DCUN1D4: variants seen among roughly 807,000 people sequenced by gnomAD.
DCUN1D4 encodes the protein defective in cullin neddylation 1 domain containing 4.
In DCUN1D4, 22 loss-of-function variants were observed where a neutral mutation model predicts 47.9. That is an observed-to-expected ratio of 0.46 (90% CI 0.33 to 0.66). The LOEUF (loss-of-function observed/expected upper bound fraction) is 0.66, where lower values mean the gene tolerates loss of function less well. Among genes scored for constraint, DCUN1D4 ranks in the 30% least tolerant of loss-of-function variants. The pLI is 0.02. For missense variants in DCUN1D4, 301 were observed against 340.8 expected (o/e 0.88, Z 0.92); for synonymous variants, 121 against 112.2 (o/e 1.08, Z -0.50).
At chr4:51,864,647 A>T (rs916591088) in intron 3 of DCUN1D4, among the ~76,000 whole-genome samples, 1 of 152,174 alleles carries the variant, frequency 6.6e-6, no homozygotes, top group Non-Finnish European at 1.5e-5. Context: ...AACATGGCAG[A>T]AGGGGCAGGC....
At chr4:51,853,288 A>G (rs1488957453) in intron 1 of DCUN1D4, among the ~76,000 whole-genome samples, 1 of 152,210 alleles carries the variant, frequency 6.6e-6, no homozygotes, top group African/African-American at 2.4e-5. Flanking sequence ...TTCAGTGAAA[A>G]TGCTGAGTCA....
intron 1 of DCUN1D4, 75 bp from the exon 2 acceptor site, chr4:51,863,362 T>A: frequency 8.3e-7 from 1 of 1,207,320 alleles, no homozygotes; most frequent in East Asian, 2.3e-5. Context: ...TCAAAACATT[T>A]GTTTATTTTC....
chr4:51,834,483 T>C, the DCUN1D4 span, among the ~76,000 whole-genome samples: 7 of 152,110 alleles, frequency 4.6e-5, no homozygotes, highest in Non-Finnish European at 1.0e-4. Flanking sequence ...ACTGGCCCTA[T>C]ACCCTTCCCT....
rs555869300 is a variant in DCUN1D4, at chr4:51,895,893, A to G, written c.507-3377A>G. Among the ~76,000 whole-genome samples the G allele has an allele frequency of 5.9e-5, 9 of 152,208 alleles. No homozygotes were observed. The South Asian group carries it at 1.7e-3, about 28-fold the overall frequency. ...ACACAGAAACATGTGGGAAGACTTG[A>G]GTTGAAGATGTGACTGCTTTCTGAG... is the stretch of plus-strand genomic sequence containing the variant. On this transcript the variant is annotated intron_variant, in intron 7 of 10. Transcript: ENST00000334635.
rs569152637 is a variant in DCUN1D4, at chr4:51,872,839, G to A, written c.137-1432G>A. 3.9e-5 allele frequency among the ~76,000 whole-genome samples: 6 copies of A among 152,334 alleles called. No homozygotes were observed. In the East Asian group the frequency reaches 9.7e-4, roughly 25 times the overall value. On this transcript the variant is annotated intron_variant, in intron 3 of 10. Transcript: ENST00000334635. ...GATACATGCTGGTGAATAGTGTCCT[G>A]AGAGTTCAGTGAATGCTGAAGGCCG...
intron 5 of DCUN1D4, 84 bp from the exon 6 acceptor site, chr4:51,886,484 C>T: frequency 2.5e-6 from 3 of 1,187,438 alleles, no homozygotes; most frequent in Non-Finnish European, 2.3e-6. Flanking sequence ...TTAAGTCTTA[C>T]TTGTTGACAG....
At chr4:51,886,891 T>C (rs2110043170) in intron 6 of DCUN1D4, 3 of 459,770 alleles carry the variant, frequency 6.5e-6, no homozygotes, top group South Asian at 6.4e-5. Context: ...AGCCAGATGC[T>C]TACAAAATGG....
chr4:51,863,515 A>G lies in DCUN1D4; in HGVS notation c.96+8A>G, dbSNP rs1725404174. 1 of 1,608,272 alleles carries G rather than the reference A, an allele frequency of 6.2e-7. No homozygotes were observed. The highest frequency in any genetic ancestry group is 1.1e-5 in the South Asian group (1 of 90,342). ...CACACCCTTAATAAGCTGGTAAGTC[A>G]TTCTTTTAAAGACAAAATTACCAAC... On this transcript the variant is annotated splice_region_variant and intron_variant, in intron 2 of 10. Transcript: ENST00000334635.
chr4:51,874,974 G>GT (rs1727447955), intron 4 of DCUN1D4: 2 of 152,174 alleles, frequency 1.3e-5, no homozygotes, highest in Non-Finnish European at 2.9e-5. Flanking sequence ...TTAGTAAGTA[G>GT]TTTTTTCTTC....
chr4:51,891,097 A>G (rs1730354502), intron 6 of DCUN1D4, among the ~76,000 whole-genome samples: 1 of 152,252 alleles, frequency 6.6e-6, no homozygotes, highest in African/African-American at 2.4e-5. Flanking sequence ...GTATATAGTG[A>G]ATTCACAAAC....
chr4:51,906,506 C>T (rs1037048604), intron 8 of DCUN1D4, among the ~76,000 whole-genome samples: 3 of 152,100 alleles, frequency 2.0e-5, no homozygotes, highest in Admixed American at 1.3e-4. Flanking sequence ...TTGATGTATT[C>T]GTCCAGTTTC....
At chr4:51,843,766 G>T (rs1577799060) in intron 1 of DCUN1D4, 1 of 996,312 alleles carries the variant, frequency 1.0e-6, no homozygotes, top group Non-Finnish European at 1.2e-6. Flanking sequence ...GGGCGCGGGG[G>T]CGGGGACAAT....
At chr4:51,900,804 A>G (rs1226751184) in intron 8 of DCUN1D4, among the ~76,000 whole-genome samples, 2 of 151,784 alleles carry the variant, frequency 1.3e-5, no homozygotes, top group Non-Finnish European at 2.9e-5. Context: ...GCTGTTTCTT[A>G]TAGTATGGGT....
chr4:51,834,681 T>C, the DCUN1D4 span, among the ~76,000 whole-genome samples: 5 of 151,628 alleles, frequency 3.3e-5, no homozygotes, highest in South Asian at 2.1e-4. Flanking sequence ...GTCCCGAAAA[T>C]GGGAGCAGTC....
At chr4:51,906,879 T>C (rs78581896) in intron 8 of DCUN1D4, among the ~76,000 whole-genome samples, 2 of 152,320 alleles carry the variant, frequency 1.3e-5, no homozygotes, top group Non-Finnish European at 2.9e-5. Context: ...TAGAATCAGC[T>C]TCCTAGCTCA....
chr4:51,836,042 G>A, the DCUN1D4 span, among the ~76,000 whole-genome samples: 1 of 152,148 alleles, frequency 6.6e-6, no homozygotes, highest in Admixed American at 6.5e-5. Flanking sequence ...TCATTTGAGT[G>A]CAGGCTCAGA....
rs1199109680 is a variant in DCUN1D4, at chr4:51,854,651, C to T, written c.26-8786C>T. Among the ~76,000 whole-genome samples the T allele has an allele frequency of 4.6e-5, 7 of 152,204 alleles. No homozygotes were observed. The South Asian group carries it at 1.4e-3, about 31-fold the overall frequency. On this transcript the variant is annotated intron_variant, in intron 1 of 10. Transcript: ENST00000334635. ...GTATTTCTTCATCACTCATACAATCCTCAGCCCACTTTGTTCTGGTCTCAG... is the reference window on the plus strand; with the variant it reads ...GTATTTCTTCATCACTCATACAATCTTCAGCCCACTTTGTTCTGGTCTCAG...
rs950766174 is a variant in DCUN1D4, at chr4:51,914,265, T to C, written c.*681T>C. 1.3e-5 allele frequency: 2 copies of C among 152,228 alleles called. No homozygotes were observed. The highest frequency in any genetic ancestry group is 2.9e-5 in the Non-Finnish European group (2 of 68,028). The allele number at this position is 152,228 out of a possible 1,614,324, so 9.4% of individuals were successfully genotyped here. The stretch of plus-strand genomic sequence containing the variant: ...AGTGTTAAAACTATAATAGCTTGAA[T>C]ATAGGTACCAATGAACAAATTCAAA... On this transcript the variant is annotated 3_prime_UTR_variant, in exon 11 of 11. Transcript: ENST00000334635.
the DCUN1D4 span, among the ~76,000 whole-genome samples, chr4:51,837,405 C>T: frequency 2.6e-5 from 4 of 152,268 alleles, no homozygotes; most frequent in East Asian, 7.7e-4. Flanking sequence ...CGGTGGCTCA[C>T]GCCTGTAATC....
Sources: gnomAD v4.1 joint callset for allele counts (sites outside exome capture counted in the v4.1 genomes callset) on GRCh38, gnomAD v4.1.1 for gene constraint, MANE v1.5 for transcripts, NCBI Gene and HGNC (gene_info 2026-07-23, HGNC 2026-07-21) for gene names.